Variants in SLC24A2 observed in about 807,000 individuals in gnomAD.
The protein encoded by SLC24A2 is solute carrier family 24 member 2, also known as sodium/potassium/calcium exchanger 2.
In SLC24A2, 36 loss-of-function variants were observed where a neutral mutation model predicts 62.0. That is an observed-to-expected ratio of 0.58 (90% CI 0.44 to 0.77). SLC24A2 has a LOEUF of 0.77. SLC24A2 is among the 30% of genes least tolerant of loss of function. The pLI is 0.00. For missense variants in SLC24A2, 846 were observed against 817.9 expected, an observed-to-expected ratio of 1.03 and a Z score of -0.42; for synonymous variants, 358 against 294.0, an observed-to-expected ratio of 1.22 and a Z score of -2.23.
the SLC24A2 span, among the ~76,000 whole-genome samples, chr9:19,997,258 A>T: frequency 6.6e-6 from 1 of 152,202 alleles, no homozygotes; most frequent in Non-Finnish European, 1.5e-5. Flanking sequence ...TTAGGGAACC[A>T]GCAAAGCAGG....
chr9:19,532,640 G>C (rs147835297), intron 8 of SLC24A2, among the ~76,000 whole-genome samples: 63 of 152,318 alleles, frequency 4.1e-4, no homozygotes, highest in African/African-American at 1.5e-3. Flanking sequence ...GAACATGACT[G>C]TGAAGACCTG....
chr9:19,599,116 T>G lies in SLC24A2; in HGVS notation c.1079-1837A>C, dbSNP rs10964233. ...TTATTTTCACATATCAATCCCAACTTTCAAATATCTGCTTGTGGCAGATGA... is the reference window on the plus strand; with the variant it reads ...TTATTTTCACATATCAATCCCAACTGTCAAATATCTGCTTGTGGCAGATGA... On this transcript the variant is annotated intron_variant, in intron 4 of 10. Transcript: ENST00000341998. The surrounding 1 kb of genome is among the most constrained non-coding windows in gnomAD (Gnocchi z 4.5). 0.15 allele frequency among the ~76,000 whole-genome samples: 22,703 copies of G among 152,252 alleles called. 2,031 individuals carry two copies. Among genetic ancestry groups the G allele is most frequent in the African/African-American group, 0.25 (10,323 of 41,516 alleles).
chr9:19,565,715 T>C (rs181980625), intron 7 of SLC24A2, among the ~76,000 whole-genome samples: 1 of 152,058 alleles, frequency 6.6e-6, no homozygotes, highest in Non-Finnish European at 1.5e-5. Flanking sequence ...CTTCAAACTA[T>C]ACTACAAGGC....
At chr9:19,650,467 T>C (rs1442126562) in intron 2 of SLC24A2, among the ~76,000 whole-genome samples, 1 of 152,136 alleles carries the variant, frequency 6.6e-6, no homozygotes, top group Non-Finnish European at 1.5e-5. Context: ...CACTGGCCCA[T>C]CATGTGCTTA....
chr9:19,616,929 G>A (rs879318037), intron 4 of SLC24A2, among the ~76,000 whole-genome samples: 3 of 152,114 alleles, frequency 2.0e-5, no homozygotes, highest in Non-Finnish European at 4.4e-5. Context: ...TATTATAGTG[G>A]AGAGAACAGC....
At chr9:20,199,512 G>C in the SLC24A2 span, among the ~76,000 whole-genome samples, 1 of 152,202 alleles carries the variant, frequency 6.6e-6, no homozygotes, top group South Asian at 2.1e-4. Context: ...TCTTGAGAGT[G>C]TTTTAAATTT....
chr9:19,607,492 G>C (rs1213591021), intron 4 of SLC24A2, among the ~76,000 whole-genome samples: 1 of 152,144 alleles, frequency 6.6e-6, no homozygotes, highest in Non-Finnish European at 1.5e-5. Context: ...GGCCAAGGCA[G>C]GTGGATAACC....
intron 2 of SLC24A2, among the ~76,000 whole-genome samples, chr9:19,651,108 C>A (rs1818789133): frequency 6.6e-6 from 1 of 152,132 alleles, no homozygotes; most frequent in African/African-American, 2.4e-5. Flanking sequence ...TTAGGTAGCA[C>A]AGATCTGAAG....
the SLC24A2 span, among the ~76,000 whole-genome samples, chr9:19,924,310 AT>A: frequency 6.6e-6 from 1 of 152,208 alleles, no homozygotes; most frequent in African/African-American, 2.4e-5. Context: ...CAGATGTGTC[AT>A]CCCCAGCCTC....
chr9:19,730,773 G>A lies in SLC24A2; in HGVS notation c.930+55164C>T, dbSNP rs530425021. Among the ~76,000 whole-genome samples the A allele has an allele frequency of 1.8e-4, 28 of 151,722 alleles. No individual in the cohort carries two copies. The South Asian group carries it at 3.1e-3, about 17-fold the overall frequency. ...TTTAAACATGCTTAAAATATTTTTCGATGCATATATTTTCTAAGCATAAAT... is the reference window on the plus strand; with the variant it reads ...TTTAAACATGCTTAAAATATTTTTCAATGCATATATTTTCTAAGCATAAAT... On this transcript the variant is annotated intron_variant, in intron 2 of 10. Coordinates refer to ENST00000341998, the MANE Select transcript of SLC24A2 (RefSeq NM_020344.4).
chr9:20,287,116 T>C, the SLC24A2 span, among the ~76,000 whole-genome samples: 4 of 152,178 alleles, frequency 2.6e-5, no homozygotes, highest in Admixed American at 1.3e-4. Context: ...CCGGGAAACA[T>C]TGTTTTAAGA....
the SLC24A2 span, among the ~76,000 whole-genome samples, chr9:20,159,151 A>G: frequency 6.6e-6 from 1 of 151,666 alleles, no homozygotes; most frequent in Non-Finnish European, 1.5e-5. Context: ...TCGCTTCAAG[A>G]ATCGACTATA....
chr9:19,899,202 G>A, the SLC24A2 span, among the ~76,000 whole-genome samples: 8 of 152,318 alleles, frequency 5.3e-5, no homozygotes, highest in Non-Finnish European at 1.0e-4. Flanking sequence ...ACACACCTAT[G>A]CTCTTGCCGC....
chr9:20,007,879 CTTTTTTTTTTTTTTTTTTTTTTT>C, the SLC24A2 span, among the ~76,000 whole-genome samples: 12 of 39,542 alleles, frequency 3.0e-4, no homozygotes, highest in South Asian at 6.5e-3. Flanking sequence ...TTACTCCTCT[CTTTTTTTTTTTTTTTTTTTTTTT>C]TTTTTTTTTT....
chr9:19,619,168 C>G (rs1817844937), intron 4 of SLC24A2, among the ~76,000 whole-genome samples: 1 of 152,192 alleles, frequency 6.6e-6, no homozygotes, highest in Non-Finnish European at 1.5e-5. Context: ...ACTCATGGAC[C>G]TCCTAAATCA....
At chr9:19,614,505 G>C (rs925443560) in intron 4 of SLC24A2, among the ~76,000 whole-genome samples, 22 of 152,296 alleles carry the variant, frequency 1.4e-4, no homozygotes, top group African/African-American at 4.6e-4. Context: ...AAACAGACTG[G>C]ATCACATCCA....
chr9:20,062,315 C>T, the SLC24A2 span, among the ~76,000 whole-genome samples: 1 of 151,298 alleles, frequency 6.6e-6, no homozygotes, highest in African/African-American at 2.4e-5. Flanking sequence ...TGGAACAGAA[C>T]AGAGCCCTCA....
intron 2 of SLC24A2, among the ~76,000 whole-genome samples, chr9:19,680,851 T>TTGTGTGAGAGTG (rs1554697846): frequency 6.8e-6 from 1 of 146,970 alleles, no homozygotes; most frequent in East Asian, 2.0e-4. Context: ...TATACCAGAG[T>TTGTGTGAGAGTG]TGTGTGTGTG....
At chr9:19,553,409 G>T (rs947495457) in intron 7 of SLC24A2, among the ~76,000 whole-genome samples, 12 of 152,242 alleles carry the variant, frequency 7.9e-5, no homozygotes, top group African/African-American at 2.9e-4. Context: ...AAAGCAAAAT[G>T]GTCCAGAAAG....
Sources: gnomAD v4.1 joint callset for allele counts (sites outside exome capture counted in the v4.1 genomes callset) on GRCh38, gnomAD v4.1.1 for gene constraint, Gnocchi (gnomAD v3.1) non-coding constraint, MANE v1.5 for transcripts, NCBI Gene and HGNC (gene_info 2026-07-23, HGNC 2026-07-21) for gene names.